RIC1: variants seen among roughly 807,000 people sequenced by gnomAD.
RIC1 encodes the protein RIC1 partner of RAB6A GEF complex, also known as guanine nucleotide exchange factor subunit RIC1.
A neutral mutation model predicts 169.0 loss-of-function variants in RIC1; 88 were observed. The ratio of observed to expected loss-of-function variants is 0.52; its 90% CI spans 0.44 to 0.62. The LOEUF (loss-of-function observed/expected upper bound fraction) is 0.62, where lower values mean the gene tolerates loss of function less well. RIC1 is among the 20% of genes least tolerant of loss of function. The pLI is 0.00. For synonymous variants in RIC1, 790 were observed against 601.5 expected, an observed-to-expected ratio of 1.31 and a Z score of -4.59; for missense variants, 1,877 against 1,725.5, an observed-to-expected ratio of 1.09 and a Z score of -1.56.
chr9:5,736,560 C>G (rs1824717996), intron 7 of RIC1, among the ~76,000 whole-genome samples: 1 of 152,108 alleles, frequency 6.6e-6, no homozygotes, highest in Non-Finnish European at 1.5e-5. Flanking sequence ...AAAACCAAGG[C>G]AGCTAGAGTT....
chr9:5,729,762 G>C (rs1824246384), intron 6 of RIC1, among the ~76,000 whole-genome samples: 1 of 151,916 alleles, frequency 6.6e-6, no homozygotes, highest in South Asian at 2.1e-4. Flanking sequence ...TATTCAGATA[G>C]TAAGGTACTA....
intron 2 of RIC1, among the ~76,000 whole-genome samples, chr9:5,687,280 C>T (rs1821308862): frequency 6.6e-6 from 1 of 151,912 alleles, no homozygotes; most frequent in African/African-American, 2.4e-5. Context: ...AACAAAAGAA[C>T]CCCAGATTTT....
intron 1 of RIC1, among the ~76,000 whole-genome samples, chr9:5,635,216 G>GT (rs1190305843): frequency 2.0e-5 from 3 of 152,120 alleles, no homozygotes; most frequent in African/African-American, 7.2e-5. Flanking sequence ...CTGGACACAA[G>GT]TGATCTGCCC....
Position 5,774,429 on chromosome 9 carries a change from T to C in RIC1, c.*183T>C. The C allele has an allele frequency of 2.0e-6, 1 of 494,596 alleles. No individual in the cohort carries two copies. Among genetic ancestry groups the C allele is most frequent in the East Asian group, 3.1e-5 (1 of 31,978 alleles). The allele number at this position is 494,596 out of a possible 1,614,324, so 30.6% of individuals were successfully genotyped here. A position where few individuals can be genotyped will look rare whatever the true frequency, so the allele number is the denominator to read the frequency against. ...TTTTTGACTCCATAAAAATGTGATA[T>C]AAAGCATCTTTCATAAAAAAATTTT... On this transcript the variant is annotated 3_prime_UTR_variant, in exon 26 of 26. Transcript: ENST00000414202.
chr9:5,772,736 G>C lies in RIC1; in HGVS notation c.3789G>C (p.Gln1263His). 6.2e-7 allele frequency: 1 copy of C among 1,604,930 alleles called. No individual in the cohort carries two copies. The highest frequency in any genetic ancestry group is 8.5e-7 in the Non-Finnish European group (1 of 1,176,476). The change falls in exon 24 of 26, where the codon CAG becomes CAC. Residue 1263 changes from glutamine to histidine, a missense_variant. Coordinates refer to ENST00000414202, the MANE Select transcript of RIC1 (RefSeq NM_020829.4). ...ASKGPHKSQV[Q>H]LRYLLHIFME... ...AAGGGCCTCATAAATCCCAGGTCCA[G>C]CTTCGGTGAGTTTCTTGGCTATTTG...
At chr9:5,771,192 A>G (rs2131146787) in intron 23 of RIC1, among the ~76,000 whole-genome samples, 1 of 152,320 alleles carries the variant, frequency 6.6e-6, no homozygotes, top group African/African-American at 2.4e-5. Flanking sequence ...AAAACTCTGT[A>G]TATGTTACTT....
In RIC1 at chr9:5,631,049, A is replaced by T. The variant is rs553014650; in HGVS notation, c.144+1596A>T. Among the ~76,000 whole-genome samples, 23 of 152,340 alleles carry T rather than the reference A, an allele frequency of 1.5e-4. No homozygotes were observed. In the South Asian group the frequency reaches 4.6e-3, roughly 30 times the overall value. On this transcript the variant is annotated intron_variant, in intron 1 of 25. Transcript: ENST00000414202. The stretch of plus-strand genomic sequence containing the variant: ...AACTTAATTTTAAATAAAAGTAAAC[A>T]ATATGACCTATGAATTGACCAGAAG...
At chr9:5,759,702 A>G (rs1254319349) in intron 17 of RIC1, among the ~76,000 whole-genome samples, 1 of 152,222 alleles carries the variant, frequency 6.6e-6, no homozygotes, top group African/African-American at 2.4e-5. Flanking sequence ...ATGCCCATAT[A>G]TTTTAGGAAT....
Position 5,763,658 on chromosome 9 carries a change from G to A in RIC1, c.2631G>A (p.Glu877=), listed in dbSNP as rs1472818506. The A allele has an allele frequency of 6.2e-7, 1 of 1,614,154 alleles. No individual in the cohort carries two copies. Among genetic ancestry groups the A allele is most frequent in the East Asian group, 2.2e-5 (1 of 44,872 alleles). The change falls in exon 19 of 26, where the codon GAG becomes GAA. Residue 877 remains glutamate (E), a synonymous_variant. Transcript: ENST00000414202. The surrounding 1 kb of genome is among the most constrained non-coding windows in gnomAD (Gnocchi z 5.2). ...EVLEEEATSR[E]PIPDPLLPTV... ...TGGAAGAAGAAGCTACCTCACGGGA[G>A]CCCATTCCCGACCCTCTGCTTCCCA...
intron 2 of RIC1, among the ~76,000 whole-genome samples, chr9:5,665,351 G>C: frequency 6.6e-6 from 1 of 152,102 alleles, no homozygotes; most frequent in East Asian, 1.9e-4. Context: ...GTATTGTTTT[G>C]TCATGTTTCT....
chr9:5,648,014 G>A (rs1172132814), intron 1 of RIC1, among the ~76,000 whole-genome samples: 1 of 150,314 alleles, frequency 6.7e-6, no homozygotes, highest in Admixed American at 6.7e-5. Context: ...GTTTTTTCTT[G>A]CTCTGTTGCC....
intron 2 of RIC1, among the ~76,000 whole-genome samples, chr9:5,663,778 CTT>C (rs1819593737): frequency 6.6e-6 from 1 of 152,056 alleles, no homozygotes; most frequent in South Asian, 2.1e-4. Context: ...CATTCTGTGT[CTT>C]TTAATTGGAG....
intron 5 of RIC1, 143 bp downstream of exon 5, chr9:5,720,467 C>T (rs1019070382): frequency 3.6e-6 from 4 of 1,107,334 alleles, no homozygotes; most frequent in African/African-American, 1.6e-5. Context: ...GTGAGAGAGG[C>T]ATTTAATAGG....
At chr9:5,685,425 G>C (rs1270964154) in intron 2 of RIC1, among the ~76,000 whole-genome samples, 1 of 150,752 alleles carries the variant, frequency 6.6e-6, no homozygotes, top group African/African-American at 2.4e-5. Context: ...TACCAAAACA[G>C]AGATATAGAT....
intron 16 of RIC1, among the ~76,000 whole-genome samples, chr9:5,756,631 G>A (rs988715209): frequency 9.4e-5 from 12 of 127,852 alleles, no homozygotes; most frequent in Admixed American, 8.5e-4. Context: ...TAAACCCTTA[G>A]ATACTAAATT....
intron 10 of RIC1, 22 bp downstream of exon 10, chr9:5,743,759 TTGG>T (rs770813474): frequency 1.3e-6 from 2 of 1,567,954 alleles, no homozygotes; most frequent in African/African-American, 1.4e-5. Context: ...CTATAAAAAA[TTGG>T]CATGGTATTA....
intron 6 of RIC1, among the ~76,000 whole-genome samples, chr9:5,724,976 T>C (rs554347411): frequency 1.4e-3 from 215 of 152,324 alleles, no homozygotes; most frequent in African/African-American, 4.9e-3. Context: ...TTATTGAGGA[T>C]TTTTGCATCA....
intron 1 of RIC1, among the ~76,000 whole-genome samples, chr9:5,651,478 G>A (rs760026944): frequency 3.3e-5 from 5 of 150,090 alleles, no homozygotes; most frequent in Non-Finnish European, 7.4e-5. Context: ...TCCTTGCTCA[G>A]ACCAATATAA....
rs150307009 is a variant in RIC1, at chr9:5,681,222, C to G, written c.253-8737C>G. On this transcript the variant is annotated intron_variant, in intron 2 of 25. Coordinates refer to ENST00000414202, the MANE Select transcript of RIC1 (RefSeq NM_020829.4). ...CTGCTAGCTTTTGAATGTGTTTGCTCTTGCTTCTCTAGTTATTTTAATTGT... is the reference window on the plus strand; with the variant it reads ...CTGCTAGCTTTTGAATGTGTTTGCTGTTGCTTCTCTAGTTATTTTAATTGT... Among the ~76,000 whole-genome samples, 761 of 152,124 alleles carry G rather than the reference C, an allele frequency of 5.0e-3. 2 individuals carry two copies. Among genetic ancestry groups the G allele is most frequent in the Non-Finnish European group, 8.3e-3 (562 of 67,988 alleles).
Sources: gnomAD v4.1 joint callset for allele counts (sites outside exome capture counted in the v4.1 genomes callset) on GRCh38, gnomAD v4.1.1 for gene constraint, Gnocchi (gnomAD v3.1) non-coding constraint, MANE v1.5 for transcripts, NCBI Gene and HGNC (gene_info 2026-07-23, HGNC 2026-07-21) for gene names.